The following PGM1 variants were observed in gnomAD, a reference collection of about 807,000 sequenced individuals.
PGM1 encodes the protein phosphoglucomutase-1.
Under a neutral mutation model 55.6 loss-of-function variants are expected in PGM1, and 52 were observed. The ratio of observed to expected loss-of-function variants is 0.94; its 90% CI spans 0.75 to 1.18. The LOEUF (loss-of-function observed/expected upper bound fraction) is 1.18. Among genes scored for constraint, PGM1 ranks in the 50% most tolerant of loss-of-function variants. PGM1 has a pLI of 0.00. For missense variants in PGM1, 724 were observed against 729.3 expected, an observed-to-expected ratio of 0.99 and a Z score of 0.08; for synonymous variants, 287 against 271.7, an observed-to-expected ratio of 1.06 and a Z score of -0.55.
At position 63,593,440 on chromosome 1, in the gene PGM1, C is replaced by A. The variant is rs551310804; in HGVS notation, c.-49C>A. 6.2e-7 allele frequency: 1 copy of A among 1,611,380 alleles called. No homozygotes were observed. Among genetic ancestry groups the A allele is most frequent in the African/African-American group, 1.3e-5 (1 of 74,892 alleles). On this transcript the variant is annotated 5_prime_UTR_variant, in exon 1 of 11. Transcript: ENST00000371084. ...CAGCTGCAGCCTCAGCCGGCCGCCC[C>A]TCCGCCAGCCAAGTCCGCCGCTCTG...
intron 4 of PGM1, among the ~76,000 whole-genome samples, chr1:63,633,772 A>T (rs971782367): frequency 6.7e-6 from 1 of 149,744 alleles, no homozygotes; most frequent in Admixed American, 6.7e-5. Context: ...AGTTCAAGCG[A>T]TTCTCCTGCC....
At chr1:63,624,047 G>A (rs182650043) in intron 1 of PGM1, among the ~76,000 whole-genome samples, 65 of 152,266 alleles carry the variant, frequency 4.3e-4, no homozygotes, top group African/African-American at 1.4e-3. Context: ...GCACACTCCC[G>A]GTCTTAAGCT....
intron 10 of PGM1, among the ~76,000 whole-genome samples, chr1:63,655,018 G>T (rs1450839921): frequency 6.7e-6 from 1 of 149,728 alleles, no homozygotes; most frequent in Non-Finnish European, 1.5e-5. Context: ...GCCCAGGCTG[G>T]AGTGCAATGG....
At chr1:63,637,967 G>C (rs749086407) in intron 6 of PGM1, among the ~76,000 whole-genome samples, 1 of 151,812 alleles carries the variant, frequency 6.6e-6, no homozygotes, top group Non-Finnish European at 1.5e-5. Flanking sequence ...ACAGTGAATG[G>C]AACTTATCAG....
chr1:63,604,158 G>A (rs1440091229), intron 1 of PGM1, among the ~76,000 whole-genome samples: 1 of 152,090 alleles, frequency 6.6e-6, no homozygotes, highest in Non-Finnish European at 1.5e-5. Flanking sequence ...ATACTTTGAG[G>A]TGCCTTCCAA....
chr1:63,616,453 G>A (rs776273956), intron 1 of PGM1, among the ~76,000 whole-genome samples: 1 of 152,182 alleles, frequency 6.6e-6, no homozygotes, highest in Non-Finnish European at 1.5e-5. Context: ...TGCCCTGTGA[G>A]TGCTCATAGC....
chr1:63,630,168 T>G (rs1162122456), intron 3 of PGM1, 80 bp downstream of exon 3: 11 of 1,358,464 alleles, frequency 8.1e-6, no homozygotes, highest in Non-Finnish European at 1.2e-5. Flanking sequence ...TAGTAGAGGG[T>G]CTTCAGCTTT....
chr1:63,632,180 C>T (rs1012306697), intron 4 of PGM1, among the ~76,000 whole-genome samples: 1 of 152,018 alleles, frequency 6.6e-6, no homozygotes, highest in South Asian at 2.1e-4. Flanking sequence ...TCACCTGCCC[C>T]CAAATGCTCG....
At chr1:63,605,372 C>T (rs1455659429) in intron 1 of PGM1, among the ~76,000 whole-genome samples, 1 of 152,082 alleles carries the variant, frequency 6.6e-6, no homozygotes, top group Non-Finnish European at 1.5e-5. Context: ...AAGTTCTCAC[C>T]TAGATAGTTT....
At chr1:63,638,563 G>A in intron 6 of PGM1, 122 bp from the exon 7 acceptor site, 3 of 763,346 alleles carry the variant, frequency 3.9e-6, no homozygotes, top group Non-Finnish European at 4.8e-6. Flanking sequence ...TTAGAATTAT[G>A]TATGACTCTG....
intron 1 of PGM1, among the ~76,000 whole-genome samples, chr1:63,615,750 G>A (rs1006187617): frequency 6.6e-6 from 1 of 151,342 alleles, no homozygotes; most frequent in East Asian, 1.9e-4. Flanking sequence ...TAGTAGAGAC[G>A]GGGTTTTACC....
intron 10 of PGM1, among the ~76,000 whole-genome samples, chr1:63,657,495 G>A (rs1649998242): frequency 6.6e-6 from 1 of 152,192 alleles, no homozygotes; most frequent in South Asian, 2.1e-4. Flanking sequence ...AACTTTAAGT[G>A]TAACATAATG....
chr1:63,603,285 G>A (rs142456974), intron 1 of PGM1, among the ~76,000 whole-genome samples: 39 of 152,350 alleles, frequency 2.6e-4, no homozygotes, highest in East Asian at 1.5e-3. Context: ...AATGTAAGGG[G>A]TGTTGGGCCA....
chr1:63,610,280 C>T (rs893796622), intron 1 of PGM1, among the ~76,000 whole-genome samples: 14 of 152,094 alleles, frequency 9.2e-5, no homozygotes, highest in African/African-American at 3.4e-4. Flanking sequence ...AGTCATTCCA[C>T]TGGACTAATG....
chr1:63,633,924 ATATATATATTTTTT>A (rs1649280276), intron 4 of PGM1, among the ~76,000 whole-genome samples: 1 of 67,356 alleles, frequency 1.5e-5, no homozygotes, highest in African/African-American at 9.1e-5. Context: ...GTGTGTATAT[ATATATATATTTTTT>A]TTTTTTTTTT....
intron 1 of PGM1, among the ~76,000 whole-genome samples, chr1:63,604,212 G>T (rs1012964483): frequency 6.6e-6 from 1 of 152,160 alleles, no homozygotes; most frequent in East Asian, 1.9e-4. Context: ...GAATTTTTAC[G>T]ATTTTATAGG....
Position 63,638,795 on chromosome 1 carries a change from G to A in PGM1, c.1139G>A (p.Gly380Glu), listed in dbSNP as rs1478231856. Residue 380 changes from glycine (G) to glutamate (E), a missense_variant, in exon 7 of 11, where the codon GGG becomes GAG. Transcript: ENST00000371084. ...TCCCTTTGTGGGGAGGAGAGCTTCGGGACCGGTAAGTCACACTCCTGTGCT... is the reference window on the plus strand; with the variant it reads ...TCCCTTTGTGGGGAGGAGAGCTTCGAGACCGGTAAGTCACACTCCTGTGCT... Reference protein sequence around the residue: ...KLSLCGEESFGTGSDHIREKD... With the variant: ...KLSLCGEESFETGSDHIREKD... 1 of 1,608,808 alleles carries A rather than the reference G, an allele frequency of 6.2e-7. No homozygotes were observed. The highest frequency in any genetic ancestry group is 8.5e-7 in the Non-Finnish European group (1 of 1,175,190).
chr1:63,607,771 G>A (rs1648463412), intron 1 of PGM1, among the ~76,000 whole-genome samples: 1 of 152,162 alleles, frequency 6.6e-6, no homozygotes, highest in Non-Finnish European at 1.5e-5. Flanking sequence ...TGCGTGTAGT[G>A]CTCAAAGCAT....
intron 1 of PGM1, among the ~76,000 whole-genome samples, chr1:63,607,484 G>A (rs1469529487): frequency 6.6e-6 from 1 of 152,076 alleles, no homozygotes; most frequent in Non-Finnish European, 1.5e-5. Flanking sequence ...GGGAGCTCAG[G>A]GCCAGCCTGG....
Sources: gnomAD v4.1 joint callset for allele counts (sites outside exome capture counted in the v4.1 genomes callset) on GRCh38, gnomAD v4.1.1 for gene constraint, MANE v1.5 for transcripts, NCBI Gene and HGNC (gene_info 2026-07-23, HGNC 2026-07-21) for gene names.